FSTL5: variants seen among roughly 807,000 people sequenced by gnomAD.
FSTL5 encodes follistatin-related protein 5.
A neutral mutation model predicts 89.1 loss-of-function variants in FSTL5; 62 were observed. That is an observed-to-expected ratio of 0.70 (90% CI 0.57 to 0.86). FSTL5 has a LOEUF of 0.86. Among genes scored for constraint, FSTL5 ranks in the 40% least tolerant of loss-of-function variants. FSTL5 has a pLI of 0.00. For missense variants in FSTL5, 1,057 were observed against 1,001.6 expected (o/e 1.06, Z -0.75); for synonymous variants, 383 against 346.2 (o/e 1.11, Z -1.18).
At chr4:161,615,397 C>CGGAGCTT (rs1221970539) in intron 7 of FSTL5, among the ~76,000 whole-genome samples, 1 of 136,490 alleles carries the variant, frequency 7.3e-6, no homozygotes, top group Non-Finnish European at 1.5e-5. Context: ...ACCAGGGAGG[C>CGGAGCTT]GGAGCTTGCA....
intron 2 of FSTL5, among the ~76,000 whole-genome samples, chr4:162,047,213 CTGGGAGACAGAGAAT>C (rs1176758999): frequency 6.6e-6 from 1 of 151,958 alleles, no homozygotes; most frequent in Non-Finnish European, 1.5e-5. Flanking sequence ...TGTGCTCACC[CTGGGAGACAGAGAAT>C]TGGTTGTAGA....
chr4:161,872,141 G>GTTTTTTTTTT (rs1171950770), intron 4 of FSTL5, among the ~76,000 whole-genome samples: 23 of 79,556 alleles, frequency 2.9e-4, no homozygotes, highest in African/African-American at 1.0e-3. Context: ...TTTTTTTTTG[G>GTTTTTTTTTT]TTTTTTTTTT....
chr4:161,647,200 CCTGATACTTTTGCATGTGAAT>C, intron 7 of FSTL5, among the ~76,000 whole-genome samples: 1 of 152,194 alleles, frequency 6.6e-6, no homozygotes, highest in South Asian at 2.1e-4. Flanking sequence ...AAAAGTCCAA[CCTGATACTTTTGCATGTGAAT>C]ATCCAGTCCT....
intron 1 of FSTL5, among the ~76,000 whole-genome samples, chr4:162,148,423 A>G (rs1006806877): frequency 3.9e-5 from 6 of 152,290 alleles, no homozygotes; most frequent in East Asian, 3.9e-4. Flanking sequence ...TGCATTTTCA[A>G]TCATTATATC....
At chr4:161,573,779 C>T (rs1344683881) in intron 8 of FSTL5, among the ~76,000 whole-genome samples, 1 of 130,214 alleles carries the variant, frequency 7.7e-6, no homozygotes, top group Non-Finnish European at 1.7e-5. Flanking sequence ...GAAAGAAAGA[C>T]ACATAGAAAA....
chr4:161,613,632 A>G (rs1404129368), intron 7 of FSTL5, among the ~76,000 whole-genome samples: 3 of 152,174 alleles, frequency 2.0e-5, no homozygotes, highest in East Asian at 1.9e-4. Flanking sequence ...ATCATCCACC[A>G]TAAGAAAACA....
intron 15 of FSTL5, among the ~76,000 whole-genome samples, chr4:161,416,908 C>A (rs1484662629): frequency 1.3e-5 from 2 of 151,232 alleles, no homozygotes; most frequent in Admixed American, 6.6e-5. Context: ...GCAATTTCTA[C>A]TCTGTGTAAA....
chr4:161,834,221 A>G (rs1373377855), intron 4 of FSTL5, among the ~76,000 whole-genome samples: 1 of 152,200 alleles, frequency 6.6e-6, no homozygotes, highest in Admixed American at 6.6e-5. Context: ...ATCTCAATAG[A>G]TGCAGAAAAG....
chr4:161,720,458 G>A (rs1412097362), intron 6 of FSTL5, among the ~76,000 whole-genome samples: 1 of 151,970 alleles, frequency 6.6e-6, no homozygotes, highest in East Asian at 1.9e-4. Context: ...ATGGAGATCA[G>A]TCAAAAAATT....
chr4:161,628,971 A>G (rs1735405345), intron 7 of FSTL5, among the ~76,000 whole-genome samples: 1 of 152,244 alleles, frequency 6.6e-6, no homozygotes, highest in African/African-American at 2.4e-5. Flanking sequence ...TATTTATTAT[A>G]GGGTTATAAT....
chr4:161,411,321 C>T (rs1296533723), intron 15 of FSTL5, among the ~76,000 whole-genome samples: 1 of 151,986 alleles, frequency 6.6e-6, no homozygotes, highest in African/African-American at 2.4e-5. Context: ...GGAGTTCCTT[C>T]CTAACTTATT....
At chr4:161,509,913 T>C (rs1422711284) in intron 11 of FSTL5, among the ~76,000 whole-genome samples, 1 of 152,200 alleles carries the variant, frequency 6.6e-6, no homozygotes, top group African/African-American at 2.4e-5. Context: ...TATTAACAAC[T>C]ACTATACTCC....
intron 4 of FSTL5, among the ~76,000 whole-genome samples, chr4:161,786,020 A>G (rs1741892050): frequency 6.6e-6 from 1 of 152,076 alleles, no homozygotes; most frequent in Non-Finnish European, 1.5e-5. Context: ...TCTTTGACCA[A>G]ACAAAAGATA....
intron 6 of FSTL5, among the ~76,000 whole-genome samples, chr4:161,666,584 A>G (rs1444476104): frequency 6.6e-6 from 1 of 152,144 alleles, no homozygotes; most frequent in Non-Finnish European, 1.5e-5. Context: ...CGGAGAGTTT[A>G]GCTGTTATAA....
intron 3 of FSTL5, among the ~76,000 whole-genome samples, chr4:161,924,010 G>A (rs890766474): frequency 6.6e-6 from 1 of 151,634 alleles, no homozygotes. Context: ...GACTAATGCC[G>A]AACTTAAGTT....
At chr4:161,543,294 C>T (rs1273820444) in intron 8 of FSTL5, among the ~76,000 whole-genome samples, 1 of 151,548 alleles carries the variant, frequency 6.6e-6, no homozygotes, top group South Asian at 2.1e-4. Context: ...TAAATAAATC[C>T]GAAGACACTT....
intron 3 of FSTL5, among the ~76,000 whole-genome samples, chr4:161,931,762 A>C (rs1466042372): frequency 6.6e-6 from 1 of 151,952 alleles, no homozygotes; most frequent in Non-Finnish European, 1.5e-5. Flanking sequence ...TTTCAGTCTT[A>C]ATGTTGTATG....
At chr4:161,442,912 C>T (rs1732820551) in intron 15 of FSTL5, among the ~76,000 whole-genome samples, 1 of 151,930 alleles carries the variant, frequency 6.6e-6, no homozygotes, top group African/African-American at 2.4e-5. Flanking sequence ...ATTTGGGGCT[C>T]ACTGGTGGAA....
intron 11 of FSTL5, among the ~76,000 whole-genome samples, chr4:161,504,530 CT>C (rs984805643): frequency 6.7e-6 from 1 of 149,966 alleles, no homozygotes; most frequent in East Asian, 2.0e-4. Context: ...AGCGCTTAGT[CT>C]TTTTTTTGGG....
Sources: gnomAD v4.1 joint callset for allele counts (sites outside exome capture counted in the v4.1 genomes callset) on GRCh38, gnomAD v4.1.1 for gene constraint, MANE v1.5 for transcripts, NCBI Gene and HGNC (gene_info 2026-07-23, HGNC 2026-07-21) for gene names.